Variants in CATSPER4 observed in about 807,000 individuals in gnomAD.
The protein encoded by CATSPER4 is cation channel sperm-associated protein 4.
Under a neutral mutation model 54.4 loss-of-function variants are expected in CATSPER4, and 46 were observed. That is an observed-to-expected ratio of 0.84 (90% CI 0.67 to 1.08). The LOEUF is 1.08. Among genes scored for constraint, CATSPER4 ranks in the 50% least tolerant of loss-of-function variants. The pLI, the probability that CATSPER4 is intolerant of heterozygous loss-of-function variation, is 0.00. For synonymous variants in CATSPER4, 230 were observed against 231.9 expected, an observed-to-expected ratio of 0.99 and a Z score of 0.08; for missense variants, 574 against 612.8, an observed-to-expected ratio of 0.94 and a Z score of 0.67.
At chr1:26,201,939 T>G (rs2089013784) in intron 9 of CATSPER4, among the ~76,000 whole-genome samples, 1 of 152,136 alleles carries the variant, frequency 6.6e-6, no homozygotes, top group African/African-American at 2.4e-5. Context: ...TCCACCCTCC[T>G]TGGCCTCCCA....
At chr1:26,195,662 T>C (rs1372808155) in intron 3 of CATSPER4, among the ~76,000 whole-genome samples, 10 of 152,110 alleles carry the variant, frequency 6.6e-5, no homozygotes, top group South Asian at 2.1e-4. Flanking sequence ...CCACCACGCC[T>C]GGCTAATTTT....
At chr1:26,192,272 C>T (rs894075811) in intron 2 of CATSPER4, among the ~76,000 whole-genome samples, 2 of 151,840 alleles carry the variant, frequency 1.3e-5, no homozygotes, top group Non-Finnish European at 2.9e-5. Context: ...GGACTACAGG[C>T]ACGAGCTACC....
rs980006667 is a variant in CATSPER4 at position 26,201,256 on chromosome 1, C to T, written c.1200-98C>T. The T allele has an allele frequency of 7.5e-6, 10 of 1,326,258 alleles. 1 individual carries two copies. Among genetic ancestry groups the T allele is most frequent in the Middle Eastern group, 2.5e-4 (1 of 3,934 alleles). 82.2% of individuals were successfully genotyped at this position (1,326,258 alleles called of 1,614,324 possible). A position where few individuals can be genotyped will look rare whatever the true frequency, so the allele number is the denominator to read the frequency against. On this transcript the variant is annotated intron_variant, in intron 8 of 9. Transcript: ENST00000456354. ...TCGGCCTGGGTCTCTGTCAGGGCTG[C>T]GTGGGAGAGCGAAGCGGGGGTGACG... is the stretch of plus-strand genomic sequence containing the variant.
At chr1:26,195,869 G>T (rs2088932399) in intron 3 of CATSPER4, among the ~76,000 whole-genome samples, 1 of 152,144 alleles carries the variant, frequency 6.6e-6, no homozygotes, top group Non-Finnish European at 1.5e-5. Flanking sequence ...ATGGCACCAA[G>T]CCATTCATGA....
Position 26,198,063 on chromosome 1 carries a change from C to T in CATSPER4, c.664C>T (p.Leu222Phe). The change falls in exon 5 of 10, where the codon CTC (leucine) becomes TTC (phenylalanine). Residue 222 changes from leucine (L) to phenylalanine (F), a missense_variant. Leu to Phe is a conservative substitution (Grantham distance 22). Transcript: ENST00000456354. ...CATGGCCAATATCATGGTCCTCATCCTCTTCTTCATGCTGGTCAGTGCCTG... is the reference window on the plus strand; with the variant it reads ...CATGGCCAATATCATGGTCCTCATCTTCTTCTTCATGCTGGTCAGTGCCTG... ...PDMANIMVLI[L>F]FFMLVFSVFG... 3 of 1,614,088 alleles carry T rather than the reference C, an allele frequency of 1.9e-6. No homozygotes were observed. The South Asian group carries it at 3.3e-5, about 18-fold the overall frequency.
chr1:26,201,439 T>C lies in CATSPER4; in HGVS notation c.1285T>C (p.Leu429=). ...CAGGCGCTCGTCGACGAGCGGGTCGTTGGAGACTACGTCATCCAAGGACAT... is the reference window on the plus strand; with the variant it reads ...CAGGCGCTCGTCGACGAGCGGGTCGCTGGAGACTACGTCATCCAAGGACAT... ...LNRRSSTSGS[L]ETTSSKDIRQ... Residue 429 remains leucine (L), a synonymous_variant, in exon 9 of 10, where the codon TTG becomes CTG. Coordinates refer to ENST00000456354, the MANE Select transcript of CATSPER4 (RefSeq NM_198137.2). The C allele has an allele frequency of 1.2e-6, 2 of 1,613,974 alleles. No homozygotes were observed. The highest frequency in any genetic ancestry group is 1.1e-5 in the South Asian group (1 of 91,076).
In CATSPER4 at chr1:26,190,840, G is replaced by A. The variant is rs758705723; in HGVS notation, c.213G>A (p.Ala71=). The change falls in exon 1 of 10, where the codon GCG becomes GCA. Residue 71 remains alanine (A), a splice_region_variant and synonymous_variant. Coordinates refer to ENST00000456354, the MANE Select transcript of CATSPER4 (RefSeq NM_198137.2). The part of the protein sequence containing the change: ...LINRQEITNK[A]DAWDMQEFIT... ...ACCGCCAGGAAATCACGAACAAAGC[G>A]GTAAGGATAGCTCTCGCCCCACAGT... 3.4e-5 allele frequency: 55 copies of A among 1,604,716 alleles called. No homozygotes were observed. The highest frequency in any genetic ancestry group is 4.0e-5 in the Non-Finnish European group (47 of 1,175,626).
chr1:26,198,239 C>T lies in CATSPER4; in HGVS notation c.679-47C>T, dbSNP rs761427919. 1.4e-4 allele frequency: 221 copies of T among 1,614,160 alleles called. 3 individuals are homozygous for T. In the South Asian group the frequency reaches 2.2e-3, roughly 16 times the overall value. ...TACATGACATTTGTGTGTCCTATTTCCAGGCCCTTTGGTGAAGTCGGGGTG... is the reference window on the plus strand; with the variant it reads ...TACATGACATTTGTGTGTCCTATTTTCAGGCCCTTTGGTGAAGTCGGGGTG... On this transcript the variant is annotated intron_variant, in intron 5 of 9. Transcript: ENST00000456354.
intron 9 of CATSPER4, 168 bp downstream of exon 9, chr1:26,201,687 TTCC>T (rs369709025): frequency 1.8e-6 from 1 of 563,874 alleles, no homozygotes; most frequent in Middle Eastern, 3.5e-4. Context: ...CTTTCTTTCT[TTCC>T]TTTTTTTTTT....
chr1:26,193,823 G>A lies in CATSPER4; in HGVS notation c.394G>A (p.Val132Met), dbSNP rs2088903228. The A allele has an allele frequency of 1.9e-6, 3 of 1,614,016 alleles. No individual in the cohort carries two copies. Among genetic ancestry groups the A allele is most frequent in the Non-Finnish European group, 2.5e-6 (3 of 1,179,918 alleles). The change falls in exon 3 of 10, where the codon GTG (valine) becomes ATG (methionine). Residue 132 changes from valine (V) to methionine (M), a missense_variant. Physicochemically the swap from Val to Met is conservative, Grantham distance 21. Coordinates refer to ENST00000456354, the MANE Select transcript of CATSPER4 (RefSeq NM_198137.2). Reference sequence around the variant, plus strand: ...GTTGTTCTCTACCATAGATGACATTGTGCTGACCATCCTTCTTTGTGAGGT... The same window carrying A: ...GTTGTTCTCTACCATAGATGACATTATGCTGACCATCCTTCTTTGTGAGGT... ...YELFSTIDDI[V>M]LTILLCEVLL...
chr1:26,198,187 C>T (rs2088965485), intron 5 of CATSPER4, 99 bp from the exon 6 acceptor site: 2 of 1,613,168 alleles, frequency 1.2e-6, no homozygotes, highest in Non-Finnish European at 1.7e-6. Flanking sequence ...GGCCTGAATC[C>T]CTGTGATTTC....
chr1:26,200,285 C>T (rs144103416), intron 7 of CATSPER4, among the ~76,000 whole-genome samples: 1,648 of 152,234 alleles, frequency 0.011, 39 homozygotes, highest in African/African-American at 0.038. Flanking sequence ...CAAAACTGAG[C>T]AGCTGGGTGA....
chr1:26,197,919 G>A, intron 4 of CATSPER4, 38 bp from the exon 5 acceptor site: 1 of 1,611,730 alleles, frequency 6.2e-7, no homozygotes, highest in Admixed American at 1.7e-5. Flanking sequence ...AAGGGGCTGG[G>A]AAGGGCCTAG....
intron 6 of CATSPER4, 60 bp from the exon 7 acceptor site, chr1:26,199,824 C>G (rs2088985123): frequency 6.3e-7 from 1 of 1,584,628 alleles, no homozygotes; most frequent in East Asian, 2.2e-5. Flanking sequence ...ATTTCAATGA[C>G]AAGGAAACTC....
At chr1:26,198,190 G>C (rs2088965529) in intron 5 of CATSPER4, 96 bp from the exon 6 acceptor site, 1 of 1,613,402 alleles carries the variant, frequency 6.2e-7, no homozygotes. Flanking sequence ...CTGAATCCCT[G>C]TGATTTCCTC....
intron 6 of CATSPER4, among the ~76,000 whole-genome samples, chr1:26,199,459 C>T (rs1319641850): frequency 1.3e-5 from 2 of 149,810 alleles, no homozygotes; most frequent in African/African-American, 2.5e-5. Context: ...ATTAGCCAGG[C>T]GTGGTGGCAA....
In CATSPER4 at chr1:26,202,339, A is replaced by G. The variant is rs2089017320; in HGVS notation, c.1366-150A>G. ...ATATACCCTGGGCTCCCAAACTCAGAGGGGGTACTAGGTAGGCTCAAGTTA... is the reference window on the plus strand; with the variant it reads ...ATATACCCTGGGCTCCCAAACTCAGGGGGGGTACTAGGTAGGCTCAAGTTA... On this transcript the variant is annotated intron_variant, in intron 9 of 9. Coordinates refer to ENST00000456354, the MANE Select transcript of CATSPER4 (RefSeq NM_198137.2). 6.9e-6 allele frequency: 5 copies of G among 723,630 alleles called. No individual in the cohort carries two copies. The East Asian group carries it at 1.3e-4, about 20-fold the overall frequency. The allele number at this position is 723,630 out of a possible 1,614,324, so 44.8% of individuals were successfully genotyped here. A position where few individuals can be genotyped will look rare whatever the true frequency, so the allele number is the denominator to read the frequency against.
chr1:26,194,732 G>T (rs2088910825), intron 3 of CATSPER4, among the ~76,000 whole-genome samples: 1 of 152,172 alleles, frequency 6.6e-6, no homozygotes, highest in Non-Finnish European at 1.5e-5. Flanking sequence ...AGTACGAGAG[G>T]CCAGGAGGAC....
chr1:26,200,219 C>T (rs2088992091), intron 7 of CATSPER4, among the ~76,000 whole-genome samples, 161 bp downstream of exon 7: 1 of 152,044 alleles, frequency 6.6e-6, no homozygotes, highest in African/African-American at 2.4e-5. Context: ...GCCCACCCAC[C>T]AACTGGGGCT....
Sources: gnomAD v4.1 joint callset for allele counts (sites outside exome capture counted in the v4.1 genomes callset) on GRCh38, gnomAD v4.1.1 for gene constraint, MANE v1.5 for transcripts, NCBI Gene and HGNC (gene_info 2026-07-23, HGNC 2026-07-21) for gene names.